PCCA: variants seen among roughly 807,000 people sequenced by gnomAD.
PCCA encodes the protein propionyl-CoA carboxylase subunit alpha, also known as propionyl-CoA carboxylase alpha chain, mitochondrial.
In PCCA, 74 loss-of-function variants were observed where a neutral mutation model predicts 101.3. That is an observed-to-expected ratio of 0.73 (90% confidence interval 0.61 to 0.89). The LOEUF (loss-of-function observed/expected upper bound fraction) is 0.89. Ranked by LOEUF, PCCA falls within the 40% of genes least tolerant of loss-of-function variation. The probability of loss-of-function intolerance (pLI) is 0.00; values close to 1 mark genes in which losing one functional copy is unlikely to be tolerated. For synonymous variants in PCCA, 294 were observed against 313.6 expected (o/e 0.94, Z 0.66); for missense variants, 891 against 907.0 (o/e 0.98, Z 0.23).
intron 19 of PCCA, 33 bp downstream of exon 19, chr13:100,368,607 T>G: frequency 1.5e-6 from 2 of 1,305,810 alleles, no homozygotes; most frequent in Non-Finnish European, 2.2e-6. Flanking sequence ...CTTGGTAATC[T>G]TGATGTTATC....
chr13:100,382,746 A>G (rs2076296909), intron 19 of PCCA, among the ~76,000 whole-genome samples: 1 of 152,214 alleles, frequency 6.6e-6, no homozygotes, highest in African/African-American at 2.4e-5. Flanking sequence ...CTAATTCAAC[A>G]TATAATATTT....
intron 7 of PCCA, among the ~76,000 whole-genome samples, chr13:100,222,207 A>C (rs897863638): frequency 1.3e-4 from 19 of 151,848 alleles, no homozygotes; most frequent in Non-Finnish European, 1.9e-4. Flanking sequence ...TGCCTGGCTA[A>C]TTTTTGTATT....
intron 4 of PCCA, among the ~76,000 whole-genome samples, chr13:100,123,046 A>G (rs1471957793): frequency 3.9e-5 from 6 of 152,232 alleles, no homozygotes; most frequent in Non-Finnish European, 7.3e-5. Context: ...TTCTAGTTAT[A>G]CAATGAACTG....
intron 21 of PCCA, among the ~76,000 whole-genome samples, chr13:100,451,403 T>A (rs1256036400): frequency 6.6e-6 from 1 of 152,182 alleles, no homozygotes; most frequent in Non-Finnish European, 1.5e-5. Context: ...CAATAATAGA[T>A]CTTGGACACC....
intron 20 of PCCA, among the ~76,000 whole-genome samples, chr13:100,442,415 G>A (rs955275689): frequency 6.6e-6 from 1 of 152,094 alleles, no homozygotes; most frequent in Non-Finnish European, 1.5e-5. Context: ...CAGCTTATTG[G>A]TACTTATACC....
intron 20 of PCCA, among the ~76,000 whole-genome samples, chr13:100,427,086 G>A (rs749029627): frequency 1.9e-4 from 29 of 152,206 alleles, no homozygotes; most frequent in Admixed American, 1.2e-3. Context: ...GTGTGGTGGC[G>A]GGCGCCTGTA....
intron 7 of PCCA, among the ~76,000 whole-genome samples, chr13:100,215,579 G>T (rs1363572780): frequency 6.6e-6 from 1 of 151,996 alleles, no homozygotes; most frequent in African/African-American, 2.4e-5. Flanking sequence ...ATGAAATGGG[G>T]TAGTGTTTGC....
chr13:100,244,027 G>A (rs2061301254), intron 8 of PCCA, among the ~76,000 whole-genome samples: 1 of 152,010 alleles, frequency 6.6e-6, no homozygotes, highest in African/African-American at 2.4e-5. Flanking sequence ...ATGACTCTGG[G>A]GTTAAGGTTA....
At chr13:100,109,001 C>A (rs780226733) in intron 2 of PCCA, among the ~76,000 whole-genome samples, 1 of 152,084 alleles carries the variant, frequency 6.6e-6, no homozygotes, top group Non-Finnish European at 1.5e-5. Flanking sequence ...ATTAATAGCC[C>A]TTAACAGAGA....
chr13:100,223,710 G>A (rs983580723), intron 7 of PCCA, among the ~76,000 whole-genome samples: 15 of 152,212 alleles, frequency 9.9e-5, no homozygotes, highest in African/African-American at 2.6e-4. Flanking sequence ...GATTGGTAGA[G>A]CCTGGTGGTC....
intron 21 of PCCA, among the ~76,000 whole-genome samples, chr13:100,473,544 TCAGA>T (rs977296695): frequency 2.0e-5 from 3 of 152,186 alleles, no homozygotes; most frequent in Non-Finnish European, 2.9e-5. Context: ...GTACATACAC[TCAGA>T]CAGAAAAATA....
intron 6 of PCCA, among the ~76,000 whole-genome samples, chr13:100,172,589 A>G (rs1025860118): frequency 6.6e-6 from 1 of 152,238 alleles, no homozygotes; most frequent in African/African-American, 2.4e-5. Context: ...TAAAAGCAAT[A>G]GAAGTTTTAA....
rs536155484 is a variant in PCCA at position 100,411,813 on chromosome 13, G to C, written c.1747-13820G>C. On this transcript the variant is annotated intron_variant, in intron 19 of 23. Coordinates refer to ENST00000376285, the MANE Select transcript of PCCA (RefSeq NM_000282.4). ...TATAAGGGCACTGATGCCATCAGGA[G>C]GGCTCCACCCCCACCACCTCATTAC... 2.6e-5 allele frequency among the ~76,000 whole-genome samples: 4 copies of C among 152,224 alleles called. No individual in the cohort carries two copies. In the East Asian group the frequency reaches 5.8e-4, roughly 22 times the overall value.
chr13:100,266,011 G>A (rs1233804318), intron 10 of PCCA, among the ~76,000 whole-genome samples: 1 of 151,518 alleles, frequency 6.6e-6, no homozygotes, highest in African/African-American at 2.4e-5. Context: ...AAGTGTAGAT[G>A]TTGAGTAGAC....
chr13:100,097,636 T>C (rs2046891278), intron 1 of PCCA, among the ~76,000 whole-genome samples: 1 of 152,166 alleles, frequency 6.6e-6, no homozygotes. Flanking sequence ...GGAGAATTGC[T>C]TGAACCTGGG....
chr13:100,446,432 A>G (rs772173004), intron 20 of PCCA, among the ~76,000 whole-genome samples: 1 of 152,232 alleles, frequency 6.6e-6, no homozygotes, highest in Non-Finnish European at 1.5e-5. Flanking sequence ...CTCTTATCCC[A>G]TAATACTTTG....
intron 7 of PCCA, among the ~76,000 whole-genome samples, chr13:100,232,026 T>G (rs185520232): frequency 6.6e-6 from 1 of 152,196 alleles, no homozygotes. Flanking sequence ...ATACTTTATT[T>G]TGCTTATTTT....
At chr13:100,120,616 A>G (rs980405967) in intron 4 of PCCA, among the ~76,000 whole-genome samples, 2 of 152,204 alleles carry the variant, frequency 1.3e-5, no homozygotes, top group Non-Finnish European at 2.9e-5. Flanking sequence ...TGATGAGATT[A>G]ATGTGCCTGA....
At chr13:100,499,318 G>C (rs571382614) in intron 21 of PCCA, among the ~76,000 whole-genome samples, 2 of 152,338 alleles carry the variant, frequency 1.3e-5, no homozygotes, top group South Asian at 4.1e-4. Context: ...GTTCCATTCA[G>C]GTGTTGGGCA....
Sources: gnomAD v4.1 joint callset for allele counts (sites outside exome capture counted in the v4.1 genomes callset) on GRCh38, gnomAD v4.1.1 for gene constraint, MANE v1.5 for transcripts, NCBI Gene and HGNC (gene_info 2026-07-23, HGNC 2026-07-21) for gene names.